The following MYT1L variants were observed in gnomAD, a reference collection of about 807,000 sequenced individuals.
The protein encoded by MYT1L is myelin transcription factor 1-like protein.
MYT1L carries 12 observed loss-of-function variants against 126.7 expected under a neutral mutation model. That is an observed-to-expected ratio of 0.09 (90% CI 0.06 to 0.15). MYT1L has a LOEUF of 0.15. Ranked by LOEUF, MYT1L falls within the 10% of genes least tolerant of loss-of-function variation. The pLI is 1.00. For synonymous variants in MYT1L, 541 were observed against 604.2 expected, an observed-to-expected ratio of 0.90 and a Z score of 1.53; for missense variants, 979 against 1,585.2, an observed-to-expected ratio of 0.62 and a Z score of 6.49.
intron 18 of MYT1L, among the ~76,000 whole-genome samples, chr2:1,857,413 C>G (rs1163580425): frequency 2.0e-5 from 3 of 152,122 alleles, no homozygotes; most frequent in Admixed American, 6.5e-5. Context: ...CAAAGGCTCC[C>G]CGGATTTTGA....
At position 2,259,317 on chromosome 2, in the gene MYT1L, C is replaced by T. The variant is rs1467853854; in HGVS notation, c.-421+25087G>A. ...CTAGATGACACGTTAGTGGGTGCAG[C>T]GCACCAGCATGGCACATGTATACAT... On this transcript the variant is annotated intron_variant, in intron 2 of 24. Coordinates refer to ENST00000647738, the MANE Select transcript of MYT1L (RefSeq NM_001303052.2). 9.5e-5 allele frequency among the ~76,000 whole-genome samples: 12 copies of T among 126,194 alleles called. No homozygotes were observed. In the South Asian group the frequency reaches 2.0e-3, roughly 21 times the overall value. The allele number at this position is 126,194 out of a possible 152,430, so 82.8% of individuals were successfully genotyped here. A position where few individuals can be genotyped will look rare whatever the true frequency, so the allele number is the denominator to read the frequency against.
At chr2:2,138,868 A>G (rs1467734066) in intron 3 of MYT1L, among the ~76,000 whole-genome samples, 1 of 150,508 alleles carries the variant, frequency 6.6e-6, no homozygotes, top group Non-Finnish European at 1.5e-5. Flanking sequence ...AAAAGAAATA[A>G]GGACTGCCTC....
chr2:2,061,412 A>G (rs557656711), intron 3 of MYT1L, among the ~76,000 whole-genome samples: 5 of 152,248 alleles, frequency 3.3e-5, no homozygotes, highest in African/African-American at 4.8e-5. Flanking sequence ...AATGAAAACT[A>G]TATTTATGCT....
At chr2:1,998,045 C>T (rs1291922204) in intron 4 of MYT1L, among the ~76,000 whole-genome samples, 3 of 152,092 alleles carry the variant, frequency 2.0e-5, no homozygotes. Context: ...TTCTTCCCAC[C>T]ATGAATTAAG....
intron 18 of MYT1L, 93 bp from the exon 19 acceptor site, chr2:1,851,796 T>C: frequency 2.5e-6 from 3 of 1,195,086 alleles, no homozygotes; most frequent in Non-Finnish European, 3.7e-6. Flanking sequence ...AAACTAACTC[T>C]ATTGCTTCAC....
chr2:2,115,840 G>A (rs1300480886), intron 3 of MYT1L, among the ~76,000 whole-genome samples: 3 of 151,614 alleles, frequency 2.0e-5, no homozygotes, highest in Non-Finnish European at 4.4e-5. Flanking sequence ...AAAACAGGAC[G>A]AGCCTGCTGT....
intron 1 of MYT1L, among the ~76,000 whole-genome samples, chr2:2,301,009 G>A (rs1431574554): frequency 6.6e-6 from 1 of 152,192 alleles, no homozygotes; most frequent in Non-Finnish European, 1.5e-5. Flanking sequence ...CAACATGGAA[G>A]CCTACATTTA....
At chr2:2,284,305 G>C (rs1042808507) in intron 2 of MYT1L, 99 bp downstream of exon 2, 1 of 152,090 alleles carries the variant, frequency 6.6e-6, no homozygotes, top group Non-Finnish European at 1.5e-5. Context: ...CCAGTTGCCC[G>C]AATTCTAAAT....
intron 1 of MYT1L, among the ~76,000 whole-genome samples, chr2:2,312,847 T>C (rs1182246295): frequency 6.6e-6 from 1 of 150,966 alleles, no homozygotes; most frequent in Non-Finnish European, 1.5e-5. Flanking sequence ...TGTGGAGAAA[T>C]GGGAAGAAAG....
intron 18 of MYT1L, among the ~76,000 whole-genome samples, chr2:1,863,476 C>A (rs956660804): frequency 1.3e-5 from 2 of 152,198 alleles, no homozygotes; most frequent in Non-Finnish European, 1.5e-5. Flanking sequence ...GTTGAGATTC[C>A]GACATTCATC....
intron 15 of MYT1L, 66 bp downstream of exon 15, chr2:1,891,971 G>A (rs1573293868): frequency 6.9e-7 from 1 of 1,446,894 alleles, no homozygotes; most frequent in Admixed American, 2.7e-5. Context: ...GCGTGTCTCG[G>A]TGGCTGGGTC....
intron 18 of MYT1L, among the ~76,000 whole-genome samples, chr2:1,860,880 A>C (rs2044499303): frequency 6.6e-6 from 1 of 152,030 alleles, no homozygotes; most frequent in African/African-American, 2.4e-5. Context: ...CGACAGCACC[A>C]ATTTTCCAAC....
chr2:1,904,033 A>C (rs965769172), intron 13 of MYT1L, among the ~76,000 whole-genome samples: 3 of 152,224 alleles, frequency 2.0e-5, no homozygotes, highest in Non-Finnish European at 4.4e-5. Flanking sequence ...AAATAACTTT[A>C]GACTTGCAGA....
At chr2:2,253,203 G>A (rs143308806) in intron 2 of MYT1L, among the ~76,000 whole-genome samples, 53 of 152,288 alleles carry the variant, frequency 3.5e-4, no homozygotes, top group Admixed American at 1.0e-3. Flanking sequence ...GAGCCGGAGC[G>A]GGCTCCACTG....
intron 21 of MYT1L, among the ~76,000 whole-genome samples, chr2:1,813,843 C>T (rs1328271175): frequency 1.7e-5 from 2 of 119,806 alleles, no homozygotes; most frequent in Non-Finnish European, 3.5e-5. Flanking sequence ...CTGGCTAACA[C>T]GGTGAAACCC....
intron 18 of MYT1L, among the ~76,000 whole-genome samples, chr2:1,878,882 T>C (rs13017016): frequency 0.068 from 10,317 of 152,266 alleles, 468 homozygotes; most frequent in Middle Eastern, 0.12. Context: ...CATTCATGAA[T>C]AGAAACATGT....
chr2:2,020,973 A>G (rs961447286), intron 4 of MYT1L, among the ~76,000 whole-genome samples: 17 of 152,234 alleles, frequency 1.1e-4, no homozygotes, highest in South Asian at 2.1e-4. Flanking sequence ...CTCCTGCAGC[A>G]GAAGGCTGTG....
Position 2,264,751 on chromosome 2 carries a change from C to T in MYT1L, c.-421+19653G>A, listed in dbSNP as rs149518222. On this transcript the variant is annotated intron_variant, in intron 2 of 24. Transcript: ENST00000647738. ...GGTCAGTGCTGAAGCTGAGTCCAAG[C>T]GGCCACGAATCGTAAAAATGTCCAG... Among the ~76,000 whole-genome samples, 242 of 152,208 alleles carry T rather than the reference C, an allele frequency of 1.6e-3. 1 individual carries two copies. Among genetic ancestry groups the T allele is most frequent in the Middle Eastern group, 0.014 (4 of 294 alleles).
At chr2:1,867,143 G>A (rs1406324058) in intron 18 of MYT1L, among the ~76,000 whole-genome samples, 1 of 152,060 alleles carries the variant, frequency 6.6e-6, no homozygotes, top group East Asian at 1.9e-4. Flanking sequence ...CAAGCACAGA[G>A]TGCAGCAGTG....
Sources: allele counts gnomAD v4.1 joint callset (sites outside exome capture counted in the v4.1 genomes callset), GRCh38; gene constraint gnomAD v4.1.1; transcripts MANE v1.5; gene names NCBI Gene and HGNC (gene_info 2026-07-23, HGNC 2026-07-21).